DLGAP1: variants seen among roughly 807,000 people sequenced by gnomAD.
The protein encoded by DLGAP1 is DLG associated protein 1, also known as disks large-associated protein 1.
In DLGAP1, 11 loss-of-function variants were observed where a neutral mutation model predicts 90.8. That is an observed-to-expected ratio of 0.12 (90% CI 0.08 to 0.20). The LOEUF (loss-of-function observed/expected upper bound fraction) is 0.20, where lower values mean the gene tolerates loss of function less well. Among genes scored for constraint, DLGAP1 ranks in the 10% least tolerant of loss-of-function variants. The probability of loss-of-function intolerance (pLI) is 1.00; values close to 1 mark genes in which losing one functional copy is unlikely to be tolerated. For synonymous variants in DLGAP1, 558 were observed against 540.7 expected (o/e 1.03, Z -0.44); for missense variants, 1,050 against 1,333.8 (o/e 0.79, Z 3.31).
At chr18:4,236,382 T>C (rs974250396) in intron 1 of DLGAP1, among the ~76,000 whole-genome samples, 38 of 152,190 alleles carry the variant, frequency 2.5e-4, no homozygotes, top group African/African-American at 8.7e-4. Context: ...CTTGGAAGGA[T>C]AGTGTGCAAA....
At chr18:4,093,467 G>A (rs1193023147) in intron 2 of DLGAP1, among the ~76,000 whole-genome samples, 3 of 152,104 alleles carry the variant, frequency 2.0e-5, no homozygotes, top group Non-Finnish European at 2.9e-5. Flanking sequence ...AAATATTTAA[G>A]AAGTGGATTT....
At chr18:4,117,086 A>T (rs145652336) in intron 2 of DLGAP1, among the ~76,000 whole-genome samples, 3 of 152,150 alleles carry the variant, frequency 2.0e-5, no homozygotes, top group Non-Finnish European at 4.4e-5. Context: ...CAAAAAGAGG[A>T]GATTAGATAC....
chr18:3,694,392 G>T (rs1393019158), intron 7 of DLGAP1, among the ~76,000 whole-genome samples: 1 of 152,024 alleles, frequency 6.6e-6, no homozygotes, highest in Non-Finnish European at 1.5e-5. Flanking sequence ...TAATCCTTTG[G>T]TATATACTCA....
intron 1 of DLGAP1, among the ~76,000 whole-genome samples, chr18:4,339,168 C>A (rs761138810): frequency 2.0e-5 from 3 of 152,124 alleles, no homozygotes; most frequent in Non-Finnish European, 4.4e-5. Context: ...AAGTCAGGAC[C>A]AAGTTTTCAT....
At chr18:4,015,090 A>G (rs1358574392) in intron 2 of DLGAP1, among the ~76,000 whole-genome samples, 1 of 152,132 alleles carries the variant, frequency 6.6e-6, no homozygotes, top group East Asian at 1.9e-4. Context: ...TGTTTAAAGG[A>G]TGTGTGGTCA....
intron 1 of DLGAP1, among the ~76,000 whole-genome samples, chr18:4,151,688 A>G (rs2076677202): frequency 6.6e-6 from 1 of 152,184 alleles, no homozygotes; most frequent in Admixed American, 6.5e-5. Flanking sequence ...AGCCAGTGTG[A>G]CTTTAAAAAG....
At chr18:4,329,871 G>C (rs573125505) in intron 1 of DLGAP1, among the ~76,000 whole-genome samples, 1 of 151,896 alleles carries the variant, frequency 6.6e-6, no homozygotes, top group Non-Finnish European at 1.5e-5. Flanking sequence ...TTTGGTAGCA[G>C]GATATTGCAG....
intron 1 of DLGAP1, among the ~76,000 whole-genome samples, chr18:4,269,349 TATA>T (rs1272914094): frequency 6.1e-4 from 80 of 131,380 alleles, no homozygotes; most frequent in African/African-American, 2.3e-3. Context: ...TATATATATA[TATA>T]TATTTTTTTT....
intron 2 of DLGAP1, among the ~76,000 whole-genome samples, chr18:4,059,277 T>TC (rs1166082470): frequency 6.6e-5 from 10 of 152,088 alleles, no homozygotes; most frequent in African/African-American, 1.7e-4. Flanking sequence ...TCCTTTTTTT[T>TC]CTCCCCTTTT....
intron 1 of DLGAP1, among the ~76,000 whole-genome samples, chr18:4,177,735 G>C (rs1326290456): frequency 1.3e-5 from 2 of 151,956 alleles, no homozygotes; most frequent in East Asian, 3.9e-4. Flanking sequence ...TTTTGTTACT[G>C]TGTTAGTTTG....
intron 3 of DLGAP1, among the ~76,000 whole-genome samples, chr18:3,895,280 T>TAC (rs35493688): frequency 0.28 from 37,963 of 137,132 alleles, 5,166 homozygotes; most frequent in Admixed American, 0.36. Flanking sequence ...GGATGTTTAT[T>TAC]ACACACACAC....
chr18:3,615,365 G>T lies in DLGAP1; in HGVS notation c.1592-33117C>A, dbSNP rs1457333279. On this transcript the variant is annotated intron_variant, in intron 7 of 12. Coordinates refer to ENST00000315677, the MANE Select transcript of DLGAP1 (RefSeq NM_004746.4). ...TGGGGAGCCTCTATTTTCTTGACTA[G>T]AAACTCACTTCTAAAGAGAAAGAGC... 2.0e-5 allele frequency among the ~76,000 whole-genome samples: 3 copies of T among 152,148 alleles called. No homozygotes were observed. In the East Asian group the frequency reaches 5.8e-4, roughly 29 times the overall value.
intron 3 of DLGAP1, among the ~76,000 whole-genome samples, chr18:3,899,602 G>A (rs184529618): frequency 3.3e-5 from 5 of 152,336 alleles, no homozygotes; most frequent in Admixed American, 3.3e-4. Context: ...CTGTATCCAG[G>A]TTTGGTCCAA....
chr18:3,879,810 G>C lies in DLGAP1; in HGVS notation c.259C>G (p.Leu87Val), dbSNP rs199888888. ...SQQELKDECA[L>V]VPRTLATKAN... Reference sequence around the variant, plus strand: ...TTGGTGGCCAGGGTGCGGGGCACCAGGGCACACTCGTCCTTCAGCTCTTGC... The same window carrying C: ...TTGGTGGCCAGGGTGCGGGGCACCACGGCACACTCGTCCTTCAGCTCTTGC... The change falls in exon 4 of 13, where the codon CTG (leucine) becomes GTG (valine). Residue 87 changes from leucine (L) to valine (V), a missense_variant. Coordinates refer to ENST00000315677, the MANE Select transcript of DLGAP1 (RefSeq NM_004746.4). The surrounding 1 kb of genome is among the most constrained non-coding windows in gnomAD (Gnocchi z 6.6). 6.2e-7 allele frequency: 1 copy of C among 1,607,812 alleles called. No individual in the cohort carries two copies. The highest frequency in any genetic ancestry group is 2.2e-5 in the East Asian group (1 of 44,872).
intron 5 of DLGAP1, among the ~76,000 whole-genome samples, chr18:3,766,690 C>T (rs369335364): frequency 2.9e-4 from 44 of 152,012 alleles, no homozygotes; most frequent in Admixed American, 2.2e-3. Flanking sequence ...CACCTTTAAA[C>T]GCGGAAATTA....
At chr18:4,124,469 A>G (rs2076201755) in intron 2 of DLGAP1, among the ~76,000 whole-genome samples, 1 of 152,252 alleles carries the variant, frequency 6.6e-6, no homozygotes, top group African/African-American at 2.4e-5. Flanking sequence ...TGGGCTCAGA[A>G]TCTAGACACA....
At chr18:4,335,187 A>G (rs2081042891) in intron 1 of DLGAP1, among the ~76,000 whole-genome samples, 1 of 151,974 alleles carries the variant, frequency 6.6e-6, no homozygotes, top group Non-Finnish European at 1.5e-5. Context: ...CATATTTCTT[A>G]TGGGTGAGAA....
intron 4 of DLGAP1, among the ~76,000 whole-genome samples, chr18:3,840,913 C>G (rs1350540703): frequency 1.3e-5 from 2 of 152,222 alleles, no homozygotes; most frequent in Non-Finnish European, 2.9e-5. Context: ...CATTTTCCAG[C>G]TGACTGTGTG....
At chr18:4,203,682 G>T (rs553358861) in intron 1 of DLGAP1, among the ~76,000 whole-genome samples, 1 of 152,224 alleles carries the variant, frequency 6.6e-6, no homozygotes, top group East Asian at 1.9e-4. Context: ...CATTTCCTGA[G>T]GGCCTCTCTG....
Sources: allele counts gnomAD v4.1 joint callset (sites outside exome capture counted in the v4.1 genomes callset), GRCh38; gene constraint gnomAD v4.1.1; non-coding constraint Gnocchi (gnomAD v3.1); transcripts MANE v1.5; gene names NCBI Gene and HGNC (gene_info 2026-07-23, HGNC 2026-07-21).